CHCHD3: variants seen among roughly 807,000 people sequenced by gnomAD.
CHCHD3 encodes coiled-coil-helix-coiled-coil-helix domain containing 3.
In CHCHD3, 20 loss-of-function variants were observed where a neutral mutation model predicts 38.2. The ratio of observed to expected loss-of-function variants is 0.52; its 90% CI spans 0.37 to 0.76. The LOEUF is 0.76. CHCHD3 is among the 30% of genes least tolerant of loss of function. The pLI, the probability that CHCHD3 is intolerant of heterozygous loss-of-function variation, is 0.00. For missense variants in CHCHD3, 245 were observed against 279.2 expected (o/e 0.88, Z 0.87); for synonymous variants, 82 against 100.0 (o/e 0.82, Z 1.07).
chr7:132,877,308 T>C (rs1462786047), intron 5 of CHCHD3, among the ~76,000 whole-genome samples: 4 of 152,098 alleles, frequency 2.6e-5, no homozygotes, highest in African/African-American at 7.2e-5. Flanking sequence ...GAATAATGAA[T>C]TAAGGATAAG....
intron 6 of CHCHD3, among the ~76,000 whole-genome samples, chr7:132,837,455 C>G (rs985587336): frequency 6.6e-5 from 10 of 152,200 alleles, no homozygotes; most frequent in Non-Finnish European, 5.9e-5. Context: ...TAGTTCACTA[C>G]AGAAGGCTGA....
intron 3 of CHCHD3, among the ~76,000 whole-genome samples, chr7:133,008,425 G>GAAAAAAAA (rs988855864): frequency 4.1e-5 from 3 of 74,048 alleles, no homozygotes; most frequent in Non-Finnish European, 5.8e-5. Flanking sequence ...ATGCAGAAAA[G>GAAAAAAAA]AAAAAAAAAA....
At chr7:132,790,021 A>C (rs1461187587) in intron 7 of CHCHD3, among the ~76,000 whole-genome samples, 2 of 152,240 alleles carry the variant, frequency 1.3e-5, no homozygotes, top group African/African-American at 4.8e-5. Context: ...TGGGAAGCAC[A>C]AAGCGAGTTT....
In CHCHD3 at chr7:133,028,352, T is replaced by C. The variant is rs555885172; in HGVS notation, c.170-3725A>G. Among the ~76,000 whole-genome samples, 306 of 152,194 alleles carry C rather than the reference T, an allele frequency of 2.0e-3. 1 individual carries two copies. The highest frequency in any genetic ancestry group is 3.2e-3 in the Non-Finnish European group (215 of 68,040). On this transcript the variant is annotated intron_variant, in intron 2 of 7. Coordinates refer to ENST00000262570, the MANE Select transcript of CHCHD3 (RefSeq NM_017812.4). ...AACTATGATGCACTGGGATCAGTGT[T>C]CTAAGTAAACTAATAAAATTGTATC...
intron 3 of CHCHD3, among the ~76,000 whole-genome samples, chr7:132,997,100 A>G (rs779603439): frequency 2.6e-4 from 40 of 152,234 alleles, no homozygotes; most frequent in Admixed American, 2.2e-3. Flanking sequence ...AGCATGAACC[A>G]TGTTAGCTAA....
chr7:133,060,916 T>TA (rs772592137), intron 2 of CHCHD3, among the ~76,000 whole-genome samples: 2 of 151,704 alleles, frequency 1.3e-5, no homozygotes, highest in African/African-American at 2.4e-5. Context: ...AACTCAAAAA[T>TA]AAAAAAACTC....
intron 4 of CHCHD3, among the ~76,000 whole-genome samples, chr7:132,960,721 T>A (rs985737481): frequency 6.6e-6 from 1 of 152,134 alleles, no homozygotes; most frequent in African/African-American, 2.4e-5. Context: ...CTCATGCCTG[T>A]AATCCTAGCA....
chr7:132,840,072 T>C (rs1446576063), intron 5 of CHCHD3, among the ~76,000 whole-genome samples: 1 of 152,238 alleles, frequency 6.6e-6, no homozygotes, highest in African/African-American at 2.4e-5. Context: ...ATTGTCTATA[T>C]GCCGAGAGGT....
intron 4 of CHCHD3, among the ~76,000 whole-genome samples, chr7:132,922,014 C>G (rs938183582): frequency 1.3e-5 from 2 of 152,222 alleles, no homozygotes; most frequent in African/African-American, 4.8e-5. Flanking sequence ...AGAAGAGCTG[C>G]CTCACTTCTA....
intron 2 of CHCHD3, among the ~76,000 whole-genome samples, chr7:133,044,665 G>C (rs1368359055): frequency 6.6e-6 from 1 of 152,202 alleles, no homozygotes; most frequent in Non-Finnish European, 1.5e-5. Context: ...GCTTTTGCAA[G>C]CTATTTTTGT....
At chr7:132,948,114 CT>C (rs1810941492) in intron 4 of CHCHD3, among the ~76,000 whole-genome samples, 1 of 151,992 alleles carries the variant, frequency 6.6e-6, no homozygotes, top group African/African-American at 2.4e-5. Context: ...ACACAATAAA[CT>C]GAGATTTCCT....
At chr7:132,956,355 C>A (rs1233545378) in intron 4 of CHCHD3, among the ~76,000 whole-genome samples, 2 of 152,180 alleles carry the variant, frequency 1.3e-5, no homozygotes, top group African/African-American at 4.8e-5. Context: ...AGCATATAGA[C>A]CACAATGCCT....
At chr7:132,839,555 G>T (rs1472904372) in intron 5 of CHCHD3, among the ~76,000 whole-genome samples, 1 of 152,092 alleles carries the variant, frequency 6.6e-6, no homozygotes, top group African/African-American at 2.4e-5. Flanking sequence ...ACCACAATAC[G>T]GTAGTCTATT....
chr7:132,865,522 G>A (rs899775959), intron 5 of CHCHD3, among the ~76,000 whole-genome samples: 2 of 152,114 alleles, frequency 1.3e-5, no homozygotes, highest in African/African-American at 4.8e-5. Context: ...CCATGGAGGT[G>A]GTGAATACAG....
At chr7:132,821,108 G>A (rs983709912) in intron 6 of CHCHD3, among the ~76,000 whole-genome samples, 9 of 152,008 alleles carry the variant, frequency 5.9e-5, no homozygotes, top group East Asian at 1.9e-4. Context: ...ATTTTATTGC[G>A]TTCAAGAATT....
chr7:133,055,236 C>T (rs1814283739), intron 2 of CHCHD3, among the ~76,000 whole-genome samples: 1 of 146,096 alleles, frequency 6.8e-6, no homozygotes, highest in African/African-American at 2.5e-5. Context: ...TTTGCATATA[C>T]TTATATGTTT....
rs576424109 is a variant in CHCHD3 at position 132,873,457 on chromosome 7, A to G, written c.453+12205T>C. Among the ~76,000 whole-genome samples the G allele has an allele frequency of 6.2e-5, 9 of 146,238 alleles. No homozygotes were observed. The East Asian group carries it at 1.6e-3, about 26-fold the overall frequency. On this transcript the variant is annotated intron_variant, in intron 5 of 7. Coordinates refer to ENST00000262570, the MANE Select transcript of CHCHD3 (RefSeq NM_017812.4). ...TGAGACGGGTCTCGCTGTGTCACCC[A>G]GGCTGGAGTGCAGTGGCGCAATCTC...
intron 6 of CHCHD3, among the ~76,000 whole-genome samples, chr7:132,822,072 T>C (rs1460114292): frequency 6.6e-6 from 1 of 152,254 alleles, no homozygotes; most frequent in Non-Finnish European, 1.5e-5. Context: ...CTATTTTCTT[T>C]GCATCATCAA....
intron 4 of CHCHD3, chr7:132,973,137 G>C: frequency 2.0e-6 from 2 of 985,366 alleles, no homozygotes; most frequent in Non-Finnish European, 2.4e-6. Flanking sequence ...AACTAAGAGA[G>C]TAAGACAGTA....
Sources: allele counts gnomAD v4.1 joint callset (sites outside exome capture counted in the v4.1 genomes callset), GRCh38; gene constraint gnomAD v4.1.1; transcripts MANE v1.5; gene names NCBI Gene and HGNC (gene_info 2026-07-23, HGNC 2026-07-21).